DHX57: variants seen among roughly 807,000 people sequenced by gnomAD.
DHX57 encodes the protein DExH-box helicase 57.
In DHX57, 105 loss-of-function variants were observed where a neutral mutation model predicts 156.2. That is an observed-to-expected ratio of 0.67 (90% CI 0.57 to 0.79). DHX57 has a LOEUF of 0.79. Among genes scored for constraint, DHX57 ranks in the 30% least tolerant of loss-of-function variants. DHX57 has a pLI of 0.00. For synonymous variants in DHX57, 704 were observed against 595.6 expected, an observed-to-expected ratio of 1.18 and a Z score of -2.65; for missense variants, 1,847 against 1,661.9, an observed-to-expected ratio of 1.11 and a Z score of -1.94.
In DHX57 at chr2:38,797,993, T is replaced by C. The variant is rs1210418226; in HGVS notation, c.*306A>G. 3.9e-6 allele frequency: 1 copy of C among 256,360 alleles called. No individual in the cohort carries two copies. Among genetic ancestry groups the C allele is most frequent in the Admixed American group, 5.1e-5 (1 of 19,654 alleles). 15.9% of individuals were successfully genotyped at this position (256,360 alleles called of 1,614,324 possible). A position where few individuals can be genotyped will look rare whatever the true frequency, so the allele number is the denominator to read the frequency against. On this transcript the variant is annotated 3_prime_UTR_variant, in exon 24 of 24. Transcript: ENST00000457308. ...TACACAGATTAAAACAGAATTGTAT[T>C]ATACATTCACTTTTGAGTTATCAGG...
At chr2:38,854,975 C>G in intron 8 of DHX57, 82 bp downstream of exon 8, 1 of 1,425,748 alleles carries the variant, frequency 7.0e-7, no homozygotes, top group Non-Finnish European at 9.9e-7. Flanking sequence ...CCAAATTGCC[C>G]ATGAATCTCC....
rs760704816 is a variant in DHX57, at chr2:38,858,808, T to G, written c.1440A>C (p.Ser480=). ...EVEKASESEE[S]DEDDGPAPVI... is the part of the protein sequence containing the mutation. ...CAGGTGCAGGACCGTCATCCTCATCTGACTCCTCAGATTCTGATGCTTTTT... is the reference window on the plus strand; with the variant it reads ...CAGGTGCAGGACCGTCATCCTCATCGGACTCCTCAGATTCTGATGCTTTTT... Residue 480 remains serine (S), a synonymous_variant, in exon 6 of 24, where the codon TCA becomes TCC. Transcript: ENST00000457308. 2 of 1,612,488 alleles carry G rather than the reference T, an allele frequency of 1.2e-6. No individual in the cohort carries two copies. Among genetic ancestry groups the G allele is most frequent in the Non-Finnish European group, 1.7e-6 (2 of 1,179,668 alleles).
chr2:38,875,883 T>A lies in DHX57; in HGVS notation c.-103A>T. 2.5e-6 allele frequency: 1 copy of A among 395,974 alleles called. No homozygotes were observed. Among genetic ancestry groups the A allele is most frequent in the Admixed American group, 4.4e-5 (1 of 22,664 alleles). 24.5% of individuals were successfully genotyped at this position (395,974 alleles called of 1,614,324 possible). ...CTTGGCCACCCTCACGATTCTCACT[T>A]GGAGCAGCCCTGCGGTGGCCCAGCT... On this transcript the variant is annotated 5_prime_UTR_variant, in exon 1 of 24. Transcript: ENST00000457308.
chr2:38,841,189 G>A (rs918813156), intron 12 of DHX57, among the ~76,000 whole-genome samples: 6 of 152,176 alleles, frequency 3.9e-5, no homozygotes, highest in African/African-American at 7.2e-5. Flanking sequence ...TTGGTATGAC[G>A]TACAAAAAGC....
chr2:38,849,755 C>A (rs892348438), intron 9 of DHX57, among the ~76,000 whole-genome samples: 1 of 152,118 alleles, frequency 6.6e-6, no homozygotes, highest in African/African-American at 2.4e-5. Flanking sequence ...GTCTTTTGTA[C>A]ATGTTATTAA....
chr2:38,809,902 T>C (rs1245352060), intron 21 of DHX57, among the ~76,000 whole-genome samples: 1 of 152,166 alleles, frequency 6.6e-6, no homozygotes, highest in African/African-American at 2.4e-5. Context: ...CTTTATTTAT[T>C]TATTTTTTTG....
rs1558402885 is a variant in DHX57 at position 38,861,613 on chromosome 2, C to G, written c.797G>C (p.Arg266Thr). Residue 266 changes from arginine (R) to threonine (T), a missense_variant, in exon 5 of 24, where the codon AGA becomes ACA. Coordinates refer to ENST00000457308, the MANE Select transcript of DHX57 (RefSeq NM_198963.3). Reference sequence around the variant, plus strand: ...AATGGTCCAGACTCTGTTCTGAATTCTTTCTATAAATTTTTCTCCACAGAT... The same window carrying G: ...AATGGTCCAGACTCTGTTCTGAATTGTTTCTATAAATTTTTCTCCACAGAT... ...KSICGEKFIE[R>T]IQNRVWTIGL... 1 of 1,614,144 alleles carries G rather than the reference C, an allele frequency of 6.2e-7. No homozygotes were observed. Among genetic ancestry groups the G allele is most frequent in the African/African-American group, 1.3e-5 (1 of 75,046 alleles).
intron 13 of DHX57, among the ~76,000 whole-genome samples, chr2:38,831,369 T>A (rs1395915625): frequency 6.6e-6 from 1 of 151,046 alleles, no homozygotes; most frequent in Non-Finnish European, 1.5e-5. Flanking sequence ...TCCCCCAGGC[T>A]GCCAGGCTGG....
chr2:38,861,508 G>T lies in DHX57; in HGVS notation c.902C>A (p.Ser301Ter). 6.2e-7 allele frequency: 1 copy of T among 1,614,086 alleles called. No homozygotes were observed. The highest frequency in any genetic ancestry group is 1.7e-5 in the Admixed American group (1 of 60,004). Reference protein sequence around the residue: ...KESTKNVQENSLEICKFYLKG... With the variant: ...KESTKNVQEN ...GAGGTAAAATTTACAGATTTCAAGT[G>T]AATTCTCTTGTACATTTTTGGTACT... Residue 301 changes from serine to a stop codon, truncating the protein, a stop_gained, in exon 5 of 24, where the codon TCA (serine) becomes TAA (stop). Coordinates refer to ENST00000457308, the MANE Select transcript of DHX57 (RefSeq NM_198963.3). LOFTEE classifies it high-confidence loss of function.
At chr2:38,823,713 T>A (rs932721195) in intron 16 of DHX57, among the ~76,000 whole-genome samples, 1 of 152,070 alleles carries the variant, frequency 6.6e-6, no homozygotes, top group African/African-American at 2.4e-5. Flanking sequence ...AGAATTGAAG[T>A]CAGAATCTTG....
Position 38,868,344 on chromosome 2 carries a change from C to G in DHX57, c.62G>C (p.Arg21Thr). The change falls in exon 2 of 24, where the codon AGA becomes ACA. Residue 21 changes from arginine (R) to threonine (T), a missense_variant. Arg to Thr is a moderately conservative substitution (Grantham distance 71). Coordinates refer to ENST00000457308, the MANE Select transcript of DHX57 (RefSeq NM_198963.3). ...GTGACTCCTGCCTCCTCTTCCTCCT[C>G]TAGAAGACCCTTTTCCACCTCCTTT... ...PGKGGGKGSSRGGRGGRSHAS... is the reference protein window; with the variant it reads ...PGKGGGKGSSTGGRGGRSHAS... 1 of 1,613,886 alleles carries G rather than the reference C, an allele frequency of 6.2e-7. No individual in the cohort carries two copies. The highest frequency in any genetic ancestry group is 1.7e-5 in the Admixed American group (1 of 60,024).
chr2:38,869,046 C>T (rs1044192854), intron 1 of DHX57, among the ~76,000 whole-genome samples: 7 of 152,184 alleles, frequency 4.6e-5, no homozygotes, highest in Non-Finnish European at 7.3e-5. Flanking sequence ...AAGTGATCTG[C>T]GCACCTCAGC....
intron 15 of DHX57, 62 bp from the exon 16 acceptor site, chr2:38,826,109 CTATGGACAGAA>C: frequency 6.6e-7 from 1 of 1,519,478 alleles, no homozygotes. Flanking sequence ...AGACTGCTTG[CTATGGACAGAA>C]TAGATGAACC....
chr2:38,837,494 C>A (rs1671740793), intron 13 of DHX57, among the ~76,000 whole-genome samples: 1 of 150,602 alleles, frequency 6.6e-6, no homozygotes, highest in South Asian at 2.1e-4. Context: ...GCTTGTAATC[C>A]CAGCTACTCA....
intron 14 of DHX57, 118 bp from the exon 15 acceptor site, chr2:38,826,807 A>AACCTGTCCTC: frequency 9.0e-7 from 1 of 1,108,734 alleles, no homozygotes; most frequent in Non-Finnish European, 1.3e-6. Flanking sequence ...ACTTCTCCAC[A>AACCTGTCCTC]ACCTGTCCTC....
chr2:38,822,228 A>T (rs750104126), intron 17 of DHX57, among the ~76,000 whole-genome samples: 2 of 150,136 alleles, frequency 1.3e-5, no homozygotes, highest in Non-Finnish European at 3.0e-5. Flanking sequence ...GATTATAGGC[A>T]TGCACCACCA....
At chr2:38,801,664 G>A (rs184857563) in intron 23 of DHX57, among the ~76,000 whole-genome samples, 35 of 151,826 alleles carry the variant, frequency 2.3e-4, no homozygotes, top group Admixed American at 1.2e-3. Flanking sequence ...GCGCAATCTC[G>A]GCTCACTGCA....
rs201714064 is a variant in DHX57, at chr2:38,862,245, C to G, written c.472G>C (p.Val158Leu). 1 of 1,613,832 alleles carries G rather than the reference C, an allele frequency of 6.2e-7. No homozygotes were observed. Among genetic ancestry groups the G allele is most frequent in the African/African-American group, 1.3e-5 (1 of 74,942 alleles). ...TATTCCAAAGGATCCAAGTCGGGAA[C>G]GAGGGAAGGTTCCTGTCCAGCTGGC... ...YWPAGQEPSL[V>L]PDLDPLEYAG... The change falls in exon 4 of 24, where the codon GTT becomes CTT. Residue 158 changes from valine to leucine, a missense_variant. Val to Leu is a conservative substitution (Grantham distance 32). Transcript: ENST00000457308.
Position 38,848,272 on chromosome 2 carries a change from G to A in DHX57, c.2161C>T (p.Pro721Ser), listed in dbSNP as rs1376235140. The A allele has an allele frequency of 1.3e-6, 2 of 1,590,424 alleles. No individual in the cohort carries two copies. The highest frequency in any genetic ancestry group is 1.7e-6 in the Non-Finnish European group (2 of 1,171,898). Reference protein sequence around the residue: ...YFNSCPVITIPGRTFPVDQFF... With the variant: ...YFNSCPVITISGRTFPVDQFF... ...TTTAATGATGCATTTTATTCACCTG[G>A]TATAGTAATAACGGGGCAGGAATTA... The change falls in exon 10 of 24, where the codon CCA (proline) becomes TCA (serine). Residue 721 changes from proline (P) to serine (S), a missense_variant. Pro to Ser is a moderately conservative substitution (Grantham distance 74, BLOSUM62 -1). Coordinates refer to ENST00000457308, the MANE Select transcript of DHX57 (RefSeq NM_198963.3).
Sources: allele counts gnomAD v4.1 joint callset (sites outside exome capture counted in the v4.1 genomes callset), GRCh38; gene constraint gnomAD v4.1.1; transcripts MANE v1.5; gene names NCBI Gene and HGNC (gene_info 2026-07-23, HGNC 2026-07-21).